NBPF8: variants seen among roughly 807,000 people sequenced by gnomAD.
NBPF8 encodes NBPF member 8, also known as NBPF family member NBPF8.
chr1:120,457,784 A>G (rs1398239681), intron 16 of NBPF8, among the ~76,000 whole-genome samples: 2 of 56,036 alleles, frequency 3.6e-5, no homozygotes, highest in Admixed American at 1.6e-4. Context: ...AAGGAAAACT[A>G]TACATATGGA....
At chr1:120,466,645 TG>T (rs1661760198) in exon 25 of NBPF8, 1 of 143,378 alleles carries the variant, frequency 7.0e-6, no homozygotes, top group Non-Finnish European at 1.3e-5. Flanking sequence ...TCTTCAGTGT[TG>T]GCTTGTTTTA....
chr1:120,463,037 AG>A (rs1661636115), intron 21 of NBPF8, 71 bp downstream of exon 19: 1 of 618,328 alleles, frequency 1.6e-6, no homozygotes. Flanking sequence ...TCCTGTTCCA[AG>A]TGGCCCTTAC....
intron 3 of NBPF8, among the ~76,000 whole-genome samples, chr1:120,429,513 C>T (rs1372097315): frequency 3.9e-5 from 6 of 152,104 alleles, no homozygotes; most frequent in Admixed American, 6.5e-5. Flanking sequence ...GAGGACAGGC[C>T]GTGGGACTTG....
At chr1:120,469,644 G>GTGT (rs1470466629), downstream of NBPF8, among the ~76,000 whole-genome samples, 1 of 151,710 alleles carries the variant, frequency 6.6e-6, no homozygotes, top group Non-Finnish European at 1.5e-5. Flanking sequence ...TTAATGGTTT[G>GTGT]TGTTTATTGA....
At chr1:120,436,823 G>A (rs1661097196) in intron 1 of NBPF8, 126 bp downstream of exon 4, 1 of 591,130 alleles carries the variant, frequency 1.7e-6, no homozygotes, top group South Asian at 1.9e-5. Flanking sequence ...AACAGAAATG[G>A]GTATTTTAAC....
At chr1:120,430,332 G>T (rs1411345454) in intron 3 of NBPF8, among the ~76,000 whole-genome samples, 8 of 142,472 alleles carry the variant, frequency 5.6e-5, no homozygotes, top group Admixed American at 1.4e-4. Flanking sequence ...GTTTGGTAGT[G>T]TTGCAGAATG....
At chr1:120,466,388 T>A in exon 25 of NBPF8, 1 of 1,023,534 alleles carries the variant, frequency 9.8e-7, no homozygotes, top group Non-Finnish European at 1.4e-6. Context: ...CTGTGCTCAG[T>A]CTGAAGACAA....
chr1:120,466,009 C>A, exon 25 of NBPF8: 1 of 1,611,846 alleles, frequency 6.2e-7, no homozygotes, highest in Non-Finnish European at 8.5e-7. Flanking sequence ...AGTGGAAGAG[C>A]CTGAAGTCTT....
upstream of NBPF8, among the ~76,000 whole-genome samples, chr1:120,434,204 C>T (rs1660998507): frequency 6.7e-6 from 1 of 149,726 alleles, no homozygotes; most frequent in Non-Finnish European, 1.5e-5. Context: ...GTAGCCCTCG[C>T]TCCGCCACTT....
chr1:120,450,683 C>T (rs1333021770), intron 11 of NBPF8, among the ~76,000 whole-genome samples: 1 of 152,114 alleles, frequency 6.6e-6, no homozygotes, highest in Non-Finnish European at 1.5e-5. Flanking sequence ...AGATATGATT[C>T]TTAAAATCAT....
chr1:120,434,161 T>G (rs1193935453), upstream of NBPF8: 1 of 151,616 alleles, frequency 6.6e-6, no homozygotes, highest in Non-Finnish European at 1.5e-5. Flanking sequence ...ATGCAGGTGC[T>G]GTCCTCCTCG....
downstream of NBPF8, among the ~76,000 whole-genome samples, chr1:120,467,944 G>A: frequency 6.9e-6 from 1 of 145,532 alleles, no homozygotes; most frequent in Non-Finnish European, 1.5e-5. Context: ...TTCTTCGTGA[G>A]TGTGAGAGTG....
At chr1:120,468,881 C>T (rs1173926796), downstream of NBPF8, among the ~76,000 whole-genome samples, 3 of 151,634 alleles carry the variant, frequency 2.0e-5, no homozygotes, top group Non-Finnish European at 4.4e-5. Flanking sequence ...CGTCGTGTGG[C>T]TCCCAGACCT....
At chr1:120,467,916 T>C (rs1321314792), downstream of NBPF8, among the ~76,000 whole-genome samples, 1 of 152,020 alleles carries the variant, frequency 6.6e-6, no homozygotes, top group Non-Finnish European at 1.5e-5. Flanking sequence ...TTACATTTCT[T>C]GGTTCTAGTC....
At chr1:120,428,983 TCTC>T (rs1660795095) in intron 3 of NBPF8, among the ~76,000 whole-genome samples, 1 of 147,518 alleles carries the variant, frequency 6.8e-6, no homozygotes, top group Non-Finnish European at 1.5e-5. Flanking sequence ...TAGCTAGTAT[TCTC>T]CTTTTGTTTC....
downstream of NBPF8, chr1:120,467,771 G>GTGT (rs1661779487): frequency 1.3e-5 from 2 of 152,130 alleles, no homozygotes; most frequent in African/African-American, 2.4e-5. Flanking sequence ...TTCACATTCA[G>GTGT]TGTTATAATA....
intron 3 of NBPF8, among the ~76,000 whole-genome samples, chr1:120,428,172 T>C (rs1472687176): frequency 2.0e-5 from 3 of 152,054 alleles, no homozygotes; most frequent in African/African-American, 4.8e-5. Flanking sequence ...TTTATGTACA[T>C]AGAAAATGAG....
At chr1:120,466,128 C>T in exon 25 of NBPF8, 1 of 1,610,668 alleles carries the variant, frequency 6.2e-7, no homozygotes, top group Non-Finnish European at 8.5e-7. Flanking sequence ...AACAGCACAT[C>T]AGCTTTGCCC....
exon 25 of NBPF8, chr1:120,466,180 C>G: frequency 6.2e-7 from 1 of 1,609,538 alleles, no homozygotes; most frequent in Non-Finnish European, 8.5e-7. Flanking sequence ...GGTGACAAGT[C>G]TCTATCTGGT....
Sources: gnomAD v4.1 joint callset for allele counts (sites outside exome capture counted in the v4.1 genomes callset) on GRCh38, gnomAD v4.1.1 for gene constraint, MANE v1.5 for transcripts, NCBI Gene and HGNC (gene_info 2026-07-23, HGNC 2026-07-21) for gene names.